The following SPATA13 variants were observed in gnomAD, a reference collection of about 807,000 sequenced individuals.
SPATA13 encodes the protein spermatogenesis-associated protein 13.
Under a neutral mutation model 104.0 loss-of-function variants are expected in SPATA13, and 50 were observed. The observed-to-expected ratio is 0.48, with a 90% CI of 0.38 to 0.61. The LOEUF is 0.61. Ranked by LOEUF, SPATA13 falls within the 20% of genes least tolerant of loss-of-function variation. SPATA13 has a pLI of 0.00. For synonymous variants in SPATA13, 606 were observed against 667.5 expected, an observed-to-expected ratio of 0.91 and a Z score of 1.42; for missense variants, 1,524 against 1,690.6, an observed-to-expected ratio of 0.90 and a Z score of 1.73.
intron 2 of SPATA13, among the ~76,000 whole-genome samples, chr13:23,992,067 T>C (rs1043011937): frequency 2.0e-5 from 3 of 152,172 alleles, no homozygotes; most frequent in African/African-American, 7.2e-5. Context: ...TCACAAAACC[T>C]AGGAAGTGAG....
chr13:24,160,603 C>T, upstream of SPATA13: 1 of 487,262 alleles, frequency 2.1e-6, no homozygotes, highest in Non-Finnish European at 2.5e-6. Flanking sequence ...GGGGCGTGGC[C>T]GAGGGTGTGG....
Position 24,286,488 on chromosome 13 carries a change from T to A in SPATA13, c.2481+95T>A. 5 of 1,293,794 alleles carry A rather than the reference T, an allele frequency of 3.9e-6. No individual in the cohort carries two copies. Among genetic ancestry groups the A allele is most frequent in the Non-Finnish European group, 5.3e-6 (5 of 948,662 alleles). 80.1% of individuals were successfully genotyped at this position (1,293,794 alleles called of 1,614,324 possible). ...TCGCCTTTTATCAGGTCAGCTCTTT[T>A]GTAATTGATATCTGACATGCAAGTC... On this transcript the variant is annotated intron_variant, in intron 6 of 12. Coordinates refer to ENST00000382108, the MANE Select transcript of SPATA13 (RefSeq NM_001166271.3). The surrounding 1 kb of genome is among the most constrained non-coding windows in gnomAD (Gnocchi z 4.9).
chr13:24,216,928 G>A (rs1871285239), intron 1 of SPATA13, among the ~76,000 whole-genome samples: 1 of 152,168 alleles, frequency 6.6e-6, no homozygotes, highest in African/African-American at 2.4e-5. Context: ...GCATGTGCCT[G>A]CAATCTCAGA....
intron 3 of SPATA13, among the ~76,000 whole-genome samples, chr13:24,101,410 A>T (rs1289854804): frequency 2.0e-5 from 3 of 152,112 alleles, no homozygotes; most frequent in Non-Finnish European, 4.4e-5. Context: ...CTTATTTGTC[A>T]TCCAGCTTGG....
chr13:24,152,847 C>G (rs1237235794), intron 3 of SPATA13, among the ~76,000 whole-genome samples: 2 of 152,234 alleles, frequency 1.3e-5, no homozygotes, highest in Non-Finnish European at 2.9e-5. Context: ...CTCTCTCTCT[C>G]TTTCTCTTCC....
chr13:24,215,065 A>G (rs1380185176), intron 1 of SPATA13, among the ~76,000 whole-genome samples: 3 of 152,146 alleles, frequency 2.0e-5, no homozygotes, highest in East Asian at 1.9e-4. Flanking sequence ...CTCCCTGAGG[A>G]CGCGCTGGCA....
At chr13:24,075,980 C>A (rs192219314) in intron 3 of SPATA13, among the ~76,000 whole-genome samples, 4 of 152,144 alleles carry the variant, frequency 2.6e-5, no homozygotes, top group Non-Finnish European at 4.4e-5. Flanking sequence ...GCAAATCATG[C>A]GGTGGAAACA....
chr13:24,016,481 G>C (rs1032544769), intron 2 of SPATA13, among the ~76,000 whole-genome samples: 3 of 152,230 alleles, frequency 2.0e-5, no homozygotes, highest in Non-Finnish European at 4.4e-5. Context: ...TGCCTGGGCA[G>C]CTATGATGCA....
intron 3 of SPATA13, among the ~76,000 whole-genome samples, chr13:24,023,488 T>A (rs959663968): frequency 6.6e-6 from 1 of 152,240 alleles, no homozygotes; most frequent in Non-Finnish European, 1.5e-5. Flanking sequence ...CCCTGGAAGA[T>A]GTCCATGTCC....
chr13:24,103,542 GAAGA>G (rs1880333759), intron 3 of SPATA13, among the ~76,000 whole-genome samples: 1 of 138,418 alleles, frequency 7.2e-6, no homozygotes, highest in East Asian at 2.1e-4. Context: ...GAGAGAGAGA[GAAGA>G]GAGAGAGAGA....
chr13:24,103,491 A>AG, intron 3 of SPATA13, among the ~76,000 whole-genome samples: 3 of 148,022 alleles, frequency 2.0e-5, no homozygotes, highest in Non-Finnish European at 4.5e-5. Context: ...TCTCAAAAAA[A>AG]AAAAAAAAAA....
intron 3 of SPATA13, among the ~76,000 whole-genome samples, chr13:24,070,515 G>A (rs2137765166): frequency 6.6e-6 from 1 of 152,328 alleles, no homozygotes; most frequent in African/African-American, 2.4e-5. Flanking sequence ...TTTACTGATT[G>A]ATTAGCTTCG....
chr13:24,043,475 A>C (rs568608670), intron 3 of SPATA13, among the ~76,000 whole-genome samples: 1,425 of 21,020 alleles, frequency 0.068, 27 homozygotes, highest in African/African-American at 0.1. Context: ...ACCTTGATTG[A>C]TATTACACAC....
upstream of SPATA13, among the ~76,000 whole-genome samples, chr13:24,157,900 A>C (rs74322995): frequency 5.4e-4 from 82 of 152,280 alleles, 1 homozygote; most frequent in East Asian, 0.014. Context: ...CAACCCTTCT[A>C]ACTTCATTTG....
chr13:24,289,044 G>T lies in SPATA13; in HGVS notation c.2713G>T (p.Ala905Ser). Residue 905 changes from alanine (A) to serine (S), a missense_variant, in exon 8 of 13, where the codon GCG (alanine) becomes TCG (serine). Coordinates refer to ENST00000382108, the MANE Select transcript of SPATA13 (RefSeq NM_001166271.3). Reference protein sequence around the residue: ...CRKHTGMFTVAQLATIFGNIE... With the variant: ...CRKHTGMFTVSQLATIFGNIE... ...CAAGCACACAGGAATGTTCACCGTT[G>T]CGCAGCTAGCCACTATTTTTGGAAA... The T allele has an allele frequency of 6.2e-7, 1 of 1,613,806 alleles. No homozygotes were observed. Among genetic ancestry groups the T allele is most frequent in the Non-Finnish European group, 8.5e-7 (1 of 1,179,970 alleles).
chr13:24,287,013 CTT>C lies in SPATA13; in HGVS notation c.2667+65_2667+66del. ...TATGAGGCTGCATGAGGTGCCTGGG[CTT>C]TCTCCCCACCTCCACCCCCCGCCCC... On this transcript the variant is annotated intron_variant, in intron 7 of 12. Coordinates refer to ENST00000382108, the MANE Select transcript of SPATA13 (RefSeq NM_001166271.3). The C allele has an allele frequency of 2.7e-6, 4 of 1,464,526 alleles. No individual in the cohort carries two copies. In the Admixed American group the frequency reaches 7.3e-5, roughly 27 times the overall value. 90.7% of individuals were successfully genotyped at this position (1,464,526 alleles called of 1,614,324 possible). A position where few individuals can be genotyped will look rare whatever the true frequency, so the allele number is the denominator to read the frequency against.
chr13:24,287,688 A>G (rs1283740524), intron 7 of SPATA13, among the ~76,000 whole-genome samples: 1 of 152,238 alleles, frequency 6.6e-6, no homozygotes, highest in Non-Finnish European at 1.5e-5. Context: ...TGGTCATATG[A>G]AAGGCTATAT....
chr13:24,012,543 T>C (rs1428497703), intron 2 of SPATA13, among the ~76,000 whole-genome samples: 1 of 152,230 alleles, frequency 6.6e-6, no homozygotes, highest in Non-Finnish European at 1.5e-5. Flanking sequence ...CACTTGGCCC[T>C]TCGAGTTGGC....
Position 24,223,551 on chromosome 13 carries a change from G to A in SPATA13, c.622G>A (p.Gly208Ser), listed in dbSNP as rs969161741. Residue 208 changes from glycine (G) to serine (S), a missense_variant, in exon 2 of 13, where the codon GGC (glycine) becomes AGC (serine). By Grantham distance (56) the Gly-to-Ser change is moderately conservative. Transcript: ENST00000382108. Reference sequence around the variant, plus strand: ...CTCCCGCAGCCTCCGCAGAGCCTACGGCCTGGGCCGCATCTGCCTGCTGGA... The same window carrying A: ...CTCCCGCAGCCTCCGCAGAGCCTACAGCCTGGGCCGCATCTGCCTGCTGGA... ...HRSRSLRRAY[G>S]LGRICLLDAP... 9 of 1,549,096 alleles carry A rather than the reference G, an allele frequency of 5.8e-6. No individual in the cohort carries two copies. In the Admixed American group the frequency reaches 7.8e-5, roughly 13 times the overall value.
Sources: allele counts gnomAD v4.1 joint callset (sites outside exome capture counted in the v4.1 genomes callset), GRCh38; gene constraint gnomAD v4.1.1; non-coding constraint Gnocchi (gnomAD v3.1); transcripts MANE v1.5; gene names NCBI Gene and HGNC (gene_info 2026-07-23, HGNC 2026-07-21).